ABCD4: variants seen among roughly 807,000 people sequenced by gnomAD.
ABCD4 encodes the protein lysosomal cobalamin transporter ABCD4.
ABCD4 carries 53 observed loss-of-function variants against 86.3 expected under a neutral mutation model. That is an observed-to-expected ratio of 0.61 (90% CI 0.49 to 0.77). The LOEUF (loss-of-function observed/expected upper bound fraction) is 0.77. Ranked by LOEUF, ABCD4 falls within the 30% of genes least tolerant of loss-of-function variation. The pLI is 0.00. For synonymous variants in ABCD4, 328 were observed against 313.6 expected (o/e 1.05, Z -0.49); for missense variants, 757 against 764.5 (o/e 0.99, Z 0.12).
At chr14:74,287,288 C>T (rs1594795748) in intron 17 of ABCD4, among the ~76,000 whole-genome samples, 2 of 152,164 alleles carry the variant, frequency 1.3e-5, no homozygotes, top group Non-Finnish European at 2.9e-5. Flanking sequence ...GTGGTTCATG[C>T]CTGTAATCCC....
intron 8 of ABCD4, 124 bp from the exon 9 acceptor site, chr14:74,292,993 T>C (rs1594926861): frequency 6.6e-7 from 1 of 1,513,734 alleles, no homozygotes; most frequent in African/African-American, 1.4e-5. Context: ...CTCATTCTCC[T>C]GAGGATACTC....
intron 1 of ABCD4, among the ~76,000 whole-genome samples, chr14:74,301,874 G>A (rs1216565155): frequency 6.6e-6 from 1 of 152,044 alleles, no homozygotes; most frequent in Non-Finnish European, 1.5e-5. Flanking sequence ...ATTCCTGCCC[G>A]AGCAACAAGA....
chr14:74,298,324 T>G lies in ABCD4; in HGVS notation c.286-255A>C, dbSNP rs547837919. ...TTTACTCTTGTTGCCCAGGCTGGAG[T>G]GCAATGGCGCGATCTTGGCTCACCA... On this transcript the variant is annotated intron_variant, in intron 3 of 18. Coordinates refer to ENST00000356924, the MANE Select transcript of ABCD4 (RefSeq NM_005050.4). Among the ~76,000 whole-genome samples, 28 of 152,266 alleles carry G rather than the reference T, an allele frequency of 1.8e-4. 1 individual carries two copies. The highest frequency in any genetic ancestry group is 1.6e-3 in the Admixed American group (24 of 15,294).
intron 11 of ABCD4, among the ~76,000 whole-genome samples, chr14:74,292,061 G>C (rs142186453): frequency 6.6e-6 from 1 of 151,768 alleles, no homozygotes; most frequent in Non-Finnish European, 1.5e-5. Flanking sequence ...TCAGGCAGAA[G>C]GTGTGTGTAC....
chr14:74,296,632 A>C (rs1051063030), intron 4 of ABCD4, 183 bp from the exon 5 acceptor site: 1 of 589,644 alleles, frequency 1.7e-6, no homozygotes, highest in Non-Finnish European at 3.0e-6. Flanking sequence ...CAGGGCCTTT[A>C]AACAGGGTTC....
At chr14:74,291,909 G>A (rs554541588) in intron 11 of ABCD4, among the ~76,000 whole-genome samples, 12 of 152,250 alleles carry the variant, frequency 7.9e-5, no homozygotes, top group Admixed American at 6.5e-4. Flanking sequence ...ACAGATCCAC[G>A]CAGACACACG....
chr14:74,301,659 C>T (rs1050794137), intron 1 of ABCD4, among the ~76,000 whole-genome samples: 1 of 144,930 alleles, frequency 6.9e-6, no homozygotes. Flanking sequence ...GTAATCCCTG[C>T]ACTTCGGGAG....
intron 11 of ABCD4, among the ~76,000 whole-genome samples, chr14:74,291,209 A>C (rs2081397169): frequency 6.6e-6 from 1 of 152,146 alleles, no homozygotes; most frequent in South Asian, 2.1e-4. Context: ...TGAGGAAATT[A>C]ATTTCTATTG....
intron 13 of ABCD4, 163 bp from the exon 14 acceptor site, chr14:74,289,682 G>A: frequency 6.9e-7 from 1 of 1,453,658 alleles, no homozygotes; most frequent in Non-Finnish European, 9.0e-7. Context: ...AGACAGCAGG[G>A]CAAGGTCCCT....
Position 74,292,054 on chromosome 14 carries a change from G to C in ABCD4, c.1118+233C>G, listed in dbSNP as rs1221744986. ...GACACTGCAGATTCCTGTTATCTCA[G>C]GCAGAAGGTGTGTGTACTTTGCTTC... On this transcript the variant is annotated intron_variant, in intron 11 of 18. Coordinates refer to ENST00000356924, the MANE Select transcript of ABCD4 (RefSeq NM_005050.4). Among the ~76,000 whole-genome samples the C allele has an allele frequency of 2.6e-5, 4 of 152,160 alleles. No individual in the cohort carries two copies. In the East Asian group the frequency reaches 7.7e-4, roughly 29 times the overall value.
chr14:74,288,571 A>C, intron 15 of ABCD4, 145 bp downstream of exon 15: 1 of 930,216 alleles, frequency 1.1e-6, no homozygotes. Context: ...GGCCAACAGC[A>C]CACACTGTCA....
At chr14:74,287,275 A>T (rs1023090142) in intron 17 of ABCD4, among the ~76,000 whole-genome samples, 1 of 152,226 alleles carries the variant, frequency 6.6e-6, no homozygotes, top group Non-Finnish European at 1.5e-5. Flanking sequence ...TGAGCTAGGC[A>T]TAGTGGTTCA....
chr14:74,291,235 T>G (rs1413761793), intron 11 of ABCD4, among the ~76,000 whole-genome samples: 3 of 152,314 alleles, frequency 2.0e-5, no homozygotes, highest in African/African-American at 4.8e-5. Context: ...GCCAGCCGGT[T>G]TGTGGTTTTC....
rs191056843 is a variant in ABCD4 at position 74,286,149 on chromosome 14, A to G, written c.*312T>C. Reference sequence around the variant, plus strand: ...ATTTCTTTCATTTCTTACAGATCTCACACTTCCAGATTTCTCTTTAGCAAA... The same window carrying G: ...ATTTCTTTCATTTCTTACAGATCTCGCACTTCCAGATTTCTCTTTAGCAAA... On this transcript the variant is annotated 3_prime_UTR_variant, in exon 19 of 19. Coordinates refer to ENST00000356924, the MANE Select transcript of ABCD4 (RefSeq NM_005050.4). 34 of 251,692 alleles carry G rather than the reference A, an allele frequency of 1.4e-4. No homozygotes were observed. The Admixed American group carries it at 1.5e-3, about 11-fold the overall frequency. 15.6% of individuals were successfully genotyped at this position (251,692 alleles called of 1,614,324 possible).
chr14:74,297,726 G>A (rs1184252691), intron 4 of ABCD4: 1 of 1,298,228 alleles, frequency 7.7e-7, no homozygotes, highest in African/African-American at 1.5e-5. Context: ...CACCTGGCAG[G>A]CTTCTTCTTT....
Position 74,290,462 on chromosome 14 carries a change from C to T in ABCD4, c.1156G>A (p.Ala386Thr). ...GWPAAEPADT[A>T]FLLERVSISA... ...ATGGAGACCCGCTCAAGGAGAAATGCTGTGTCTGCTGGCTCTGCCGCTGGC... is the reference window on the plus strand; with the variant it reads ...ATGGAGACCCGCTCAAGGAGAAATGTTGTGTCTGCTGGCTCTGCCGCTGGC... The change falls in exon 12 of 19, where the codon GCA (alanine) becomes ACA (threonine). Residue 386 changes from alanine to threonine, a missense_variant. Coordinates refer to ENST00000356924, the MANE Select transcript of ABCD4 (RefSeq NM_005050.4). 6.2e-7 allele frequency: 1 copy of T among 1,614,018 alleles called. No individual in the cohort carries two copies. The highest frequency in any genetic ancestry group is 8.5e-7 in the Non-Finnish European group (1 of 1,180,028).
rs1418392751 is a variant in ABCD4, at chr14:74,290,089, G to A, written c.1357C>T (p.Pro453Ser). The A allele has an allele frequency of 3.7e-6, 6 of 1,614,006 alleles. No individual in the cohort carries two copies. The Admixed American group carries it at 8.3e-5, about 22-fold the overall frequency. The change falls in exon 13 of 19, where the codon CCC becomes TCC. Residue 453 changes from proline (P) to serine (S), a missense_variant. By Grantham distance (74) the Pro-to-Ser change is moderately conservative. Coordinates refer to ENST00000356924, the MANE Select transcript of ABCD4 (RefSeq NM_005050.4). ...TGTGGCAGGAATAGCACCCCATGGG[G>A]CCCAAAGTCCGTCAGCATCTGCACT... ...GSVQMLTDFGPHGVLFLPQKP... is the reference protein window; with the variant it reads ...GSVQMLTDFGSHGVLFLPQKP...
chr14:74,300,295 A>C, intron 1 of ABCD4, 27 bp from the exon 2 acceptor site: 4 of 1,469,994 alleles, frequency 2.7e-6, no homozygotes, highest in Non-Finnish European at 3.8e-6. Flanking sequence ...GAGGCAGAGA[A>C]AAGCCCAAGA....
Position 74,298,908 on chromosome 14 carries a change from T to C in ABCD4, c.285+640A>G, listed in dbSNP as rs1413671525. ...ACCTATGTGCTAAGCACTAGGGACA[T>C]TATGAGCTCACAGTTTAGCCAGAAA... On this transcript the variant is annotated intron_variant, in intron 3 of 18. Transcript: ENST00000356924. Among the ~76,000 whole-genome samples the C allele has an allele frequency of 2.0e-5, 3 of 152,166 alleles. No individual in the cohort carries two copies. The East Asian group carries it at 5.8e-4, about 29-fold the overall frequency.
Sources: allele counts gnomAD v4.1 joint callset (sites outside exome capture counted in the v4.1 genomes callset), GRCh38; gene constraint gnomAD v4.1.1; transcripts MANE v1.5; gene names NCBI Gene and HGNC (gene_info 2026-07-23, HGNC 2026-07-21).